The following GALNT13 variants were observed in gnomAD, a reference collection of about 807,000 sequenced individuals.
The protein encoded by GALNT13 is polypeptide N-acetylgalactosaminyltransferase 13, also known as UDP-GalNAc:polypeptide N-acetylgalactosaminyltransferase 13.
In GALNT13, 28 loss-of-function variants were observed where a neutral mutation model predicts 64.2. The ratio of observed to expected loss-of-function variants is 0.44; its 90% confidence interval spans 0.32 to 0.60. The LOEUF (loss-of-function observed/expected upper bound fraction) is 0.60. Among genes scored for constraint, GALNT13 ranks in the 20% least tolerant of loss-of-function variants. GALNT13 has a pLI of 0.05. For missense variants in GALNT13, 577 were observed against 669.8 expected, an observed-to-expected ratio of 0.86 and a Z score of 1.53; for synonymous variants, 214 against 224.6, an observed-to-expected ratio of 0.95 and a Z score of 0.42.
chr2:154,387,964 A>C (rs1426453831), intron 9 of GALNT13, among the ~76,000 whole-genome samples: 1 of 152,150 alleles, frequency 6.6e-6, no homozygotes, highest in Non-Finnish European at 1.5e-5. Context: ...GTCATGTGGT[A>C]GTTCTATTTT....
At chr2:153,078,923 T>C in the GALNT13 span, among the ~76,000 whole-genome samples, 1 of 152,174 alleles carries the variant, frequency 6.6e-6, no homozygotes, top group Admixed American at 6.5e-5. Context: ...TACTTAGTCA[T>C]GATGTATTTT....
chr2:153,834,016 AT>A, the GALNT13 span, among the ~76,000 whole-genome samples: 15,825 of 151,882 alleles, frequency 0.1, 1,057 homozygotes, highest in African/African-American at 0.17. Context: ...TAAAAAATTA[AT>A]TTTTTTTGTG....
chr2:154,189,183 A>G (rs1176331519), intron 4 of GALNT13, among the ~76,000 whole-genome samples: 1 of 152,204 alleles, frequency 6.6e-6, no homozygotes, highest in African/African-American at 2.4e-5. Flanking sequence ...TCTTATTCAT[A>G]TAGTTGTACT....
chr2:153,202,997 C>T, the GALNT13 span, among the ~76,000 whole-genome samples: 1 of 152,128 alleles, frequency 6.6e-6, no homozygotes, highest in African/African-American at 2.4e-5. Flanking sequence ...CCTCCAGTTT[C>T]TTCAGAGTTT....
At chr2:153,264,113 T>C in the GALNT13 span, among the ~76,000 whole-genome samples, 11 of 152,064 alleles carry the variant, frequency 7.2e-5, no homozygotes, top group Admixed American at 5.2e-4. Flanking sequence ...ATCAACCCCA[T>C]TAAAAAGTGG....
chr2:153,337,382 C>T, the GALNT13 span, among the ~76,000 whole-genome samples: 1 of 152,102 alleles, frequency 6.6e-6, no homozygotes, highest in Non-Finnish European at 1.5e-5. Context: ...CCTTTCCTTT[C>T]ACTAATGATC....
At chr2:154,153,349 C>T (rs1169446380) in intron 4 of GALNT13, among the ~76,000 whole-genome samples, 1 of 152,148 alleles carries the variant, frequency 6.6e-6, no homozygotes, top group Non-Finnish European at 1.5e-5. Context: ...CTGGGGGGTG[C>T]CTCCCAGTTA....
the GALNT13 span, among the ~76,000 whole-genome samples, chr2:153,719,852 A>G: frequency 6.6e-6 from 1 of 151,766 alleles, no homozygotes; most frequent in Non-Finnish European, 1.5e-5. Flanking sequence ...GCAGTCTGAG[A>G]TCAAACTGCA....
rs549232805 is a variant in GALNT13, at chr2:153,893,649, T to C, written c.-176-7287T>C. 3.9e-5 allele frequency among the ~76,000 whole-genome samples: 6 copies of C among 152,154 alleles called. 1 individual carries two copies. In the South Asian group the frequency reaches 1.0e-3, roughly 26 times the overall value. On this transcript the variant is annotated intron_variant, in intron 1 of 12. Coordinates refer to ENST00000392825, the MANE Select transcript of GALNT13 (RefSeq NM_052917.4). ...CATATTATTTTAGAAATTATTGATA[T>C]TGTTTTGAAGATTAGATTTTGGAAT...
At position 154,452,828 on chromosome 2, in the gene GALNT13, C is replaced by G. The variant is rs2105513069; in HGVS notation, c.*2277C>G. 6.6e-6 allele frequency: 1 copy of G among 152,224 alleles called. No homozygotes were observed. Among genetic ancestry groups the G allele is most frequent in the South Asian group, 2.1e-4 (1 of 4,826 alleles). The allele number at this position is 152,224 out of a possible 1,614,324, so 9.4% of individuals were successfully genotyped here. A position where few individuals can be genotyped will look rare whatever the true frequency, so the allele number is the denominator to read the frequency against. ...ATTTGTTTACAAAAATGTTTATTGT[C>G]TTCAGTACAAAAAGTTAAAACCATG... On this transcript the variant is annotated 3_prime_UTR_variant, in exon 13 of 13. Coordinates refer to ENST00000392825, the MANE Select transcript of GALNT13 (RefSeq NM_052917.4).
chr2:154,397,005 C>G (rs1225473482), intron 10 of GALNT13, among the ~76,000 whole-genome samples: 1 of 150,394 alleles, frequency 6.6e-6, no homozygotes, highest in Non-Finnish European at 1.5e-5. Context: ...ATAATATATT[C>G]CTATATAGCA....
the GALNT13 span, among the ~76,000 whole-genome samples, chr2:153,706,116 C>A: frequency 2.0e-5 from 3 of 152,178 alleles, no homozygotes; most frequent in East Asian, 5.8e-4. Flanking sequence ...CCTGCCTCAG[C>A]CTCCACATTA....
intron 1 of GALNT13, among the ~76,000 whole-genome samples, chr2:153,886,289 G>A (rs1402031880): frequency 6.6e-6 from 1 of 151,292 alleles, no homozygotes; most frequent in East Asian, 1.9e-4. Flanking sequence ...GTATGCATGT[G>A]CCATGTTGGT....
At chr2:153,684,622 CAGA>C in the GALNT13 span, among the ~76,000 whole-genome samples, 594 of 151,650 alleles carry the variant, frequency 3.9e-3, 2 homozygotes, top group African/African-American at 0.014. Context: ...TTGATGGTGT[CAGA>C]AGAAGTTTTT....
chr2:154,266,430 A>G (rs1018322736), intron 8 of GALNT13, among the ~76,000 whole-genome samples: 1 of 152,158 alleles, frequency 6.6e-6, no homozygotes, highest in Non-Finnish European at 1.5e-5. Flanking sequence ...GTTGTAGAAT[A>G]TAAGAACAAT....
At chr2:154,109,735 A>G (rs1361454965) in intron 3 of GALNT13, among the ~76,000 whole-genome samples, 1 of 152,168 alleles carries the variant, frequency 6.6e-6, no homozygotes, top group Non-Finnish European at 1.5e-5. Context: ...TGAAATAATC[A>G]TATGGTTTTT....
chr2:153,112,487 G>T, the GALNT13 span, among the ~76,000 whole-genome samples: 10 of 152,130 alleles, frequency 6.6e-5, no homozygotes, highest in Non-Finnish European at 1.2e-4. Context: ...TCCCCCATCT[G>T]CTTACTCTTT....
chr2:154,396,639 T>A (rs1699066875), intron 10 of GALNT13, among the ~76,000 whole-genome samples: 1 of 152,162 alleles, frequency 6.6e-6, no homozygotes, highest in Non-Finnish European at 1.5e-5. Flanking sequence ...TCTGGCTTAA[T>A]AGAAGATAGC....
At chr2:154,310,128 C>G (rs889470883) in intron 9 of GALNT13, among the ~76,000 whole-genome samples, 5 of 152,160 alleles carry the variant, frequency 3.3e-5, no homozygotes, top group African/African-American at 1.2e-4. Context: ...ATCATCCACC[C>G]CTATCAATTG....
Sources: gnomAD v4.1 joint callset for allele counts (sites outside exome capture counted in the v4.1 genomes callset) on GRCh38, gnomAD v4.1.1 for gene constraint, MANE v1.5 for transcripts, NCBI Gene and HGNC (gene_info 2026-07-23, HGNC 2026-07-21) for gene names.